The following INTS1 variants were observed in gnomAD, a reference collection of about 807,000 sequenced individuals.
INTS1 encodes integrator complex subunit 1.
Under a neutral mutation model 241.6 loss-of-function variants are expected in INTS1, and 137 were observed. The ratio of observed to expected loss-of-function variants is 0.57; its 90% confidence interval spans 0.49 to 0.65. INTS1 has a LOEUF of 0.65. INTS1 is among the 30% of genes least tolerant of loss of function. The pLI, the probability that INTS1 is intolerant of heterozygous loss-of-function variation, is 0.00. For missense variants in INTS1, 3,073 were observed against 3,032.2 expected (o/e 1.01, Z -0.32); for synonymous variants, 1,692 against 1,337.8 (o/e 1.26, Z -5.78).
At chr7:1,495,774 C>A (rs558742139) in intron 12 of INTS1, among the ~76,000 whole-genome samples, 1 of 152,134 alleles carries the variant, frequency 6.6e-6, no homozygotes, top group African/African-American at 2.4e-5. Context: ...TGACTCGCTC[C>A]GGTCAATGGC....
At chr7:1,498,338 A>C (rs1287393444) in intron 10 of INTS1, 74 bp downstream of exon 10, 11 of 1,574,028 alleles carry the variant, frequency 7.0e-6, no homozygotes. Context: ...CGGCCTCCCC[A>C]GACGCCACGT....
At position 1,497,171 on chromosome 7, in the gene INTS1, G is replaced by A. The variant is rs1163814904; in HGVS notation, c.1569C>T (p.Arg523=). 2 of 1,609,862 alleles carry A rather than the reference G, an allele frequency of 1.2e-6. No individual in the cohort carries two copies. Among genetic ancestry groups the A allele is most frequent in the Non-Finnish European group, 1.7e-6 (2 of 1,178,666 alleles). ...QAFCLGLMQE[R]KEPQYLEMEF... is the part of the protein sequence containing the mutation. ...CCATCTCCAGGTACTGCGGCTCCTT[G>A]CGCTCCTGCATGAGCCCCAGGCAGA... is the stretch of plus-strand genomic sequence containing the variant. Residue 523 remains arginine (R), a synonymous_variant, in exon 11 of 48, where the codon CGC becomes CGT. Transcript: ENST00000404767. This position sits in a 1 kb window ranked among gnomAD's most constrained non-coding sequence, Gnocchi z 5.3.
In INTS1 at chr7:1,487,112, G is replaced by T; in HGVS notation, c.2647-11C>A. ...GGACTGCGAGGAGGCCTGGGCAGGC[G>T]ACAGTGGCGCCCGCTCAGCACCTTC... On this transcript the variant is annotated splice_polypyrimidine_tract_variant and intron_variant, in intron 20 of 47. Transcript: ENST00000404767. 6.5e-7 allele frequency: 1 copy of T among 1,541,382 alleles called. No individual in the cohort carries two copies.
chr7:1,479,415 C>A lies in INTS1; in HGVS notation c.4329+15G>T, dbSNP rs762436384. Reference sequence around the variant, plus strand: ...CACTGCCCTCCTCCCCCGCAAGAGGCCCACGCCCAAGTACCTGGTACTGGC... The same window carrying A: ...CACTGCCCTCCTCCCCCGCAAGAGGACCACGCCCAAGTACCTGGTACTGGC... On this transcript the variant is annotated intron_variant, in intron 31 of 47. Transcript: ENST00000404767. 4 of 1,563,968 alleles carry A rather than the reference C, an allele frequency of 2.6e-6. No homozygotes were observed. The Admixed American group carries it at 5.6e-5, about 22-fold the overall frequency.
chr7:1,503,245 A>G, intron 2 of INTS1, 54 bp from the exon 3 acceptor site: 1 of 1,490,702 alleles, frequency 6.7e-7, no homozygotes. Context: ...CAAGATGGAA[A>G]AAGACTGACT....
rs1463557404 is a variant in INTS1 at position 1,487,765 on chromosome 7, G to A, written c.2511C>T (p.Asp837=). ...SLLLSQLTSL[D]PQGPPRRPPP... ...GGGCTGTGTGGGCTGCGTACTGGGG[G>A]TCCAGGCTGGTGAGCTGCGACAGGA... Residue 837 remains aspartate (D), a synonymous_variant, in exon 19 of 48, where the codon GAC becomes GAT. Coordinates refer to ENST00000404767, the MANE Select transcript of INTS1 (RefSeq NM_001080453.3). The A allele has an allele frequency of 6.2e-7, 1 of 1,607,986 alleles. No homozygotes were observed. Among genetic ancestry groups the A allele is most frequent in the African/African-American group, 1.3e-5 (1 of 74,932 alleles).
rs1782969664 is a variant in INTS1 at position 1,498,466 on chromosome 7, G to A, written c.1371C>T (p.Asn457=). 6.2e-7 allele frequency: 1 copy of A among 1,613,822 alleles called. No individual in the cohort carries two copies. Among genetic ancestry groups the A allele is most frequent in the African/African-American group, 1.3e-5 (1 of 74,920 alleles). Residue 457 remains asparagine, a synonymous_variant, in exon 10 of 48, where the codon AAC becomes AAT. Transcript: ENST00000404767. ...FNELSSARNP[N]NMQVLYTALQ... is the part of the protein sequence containing the mutation. ...GTGCGGTATAGAGGACCTGCATGTT[G>A]TTCGGGTTCCGGGCGCTGGAGAGCT...
At chr7:1,477,045 G>T (rs1486950311) in intron 35 of INTS1, 127 bp from the exon 36 acceptor site, 1 of 1,213,436 alleles carries the variant, frequency 8.2e-7, no homozygotes, top group South Asian at 1.5e-5. Context: ...CGGTAACACC[G>T]GCCCCGTCAT....
Position 1,499,874 on chromosome 7 carries a change from G to A in INTS1, c.684+10C>T, listed in dbSNP as rs1195620363. The A allele has an allele frequency of 1.9e-6, 3 of 1,609,952 alleles. No homozygotes were observed. The highest frequency in any genetic ancestry group is 8.5e-7 in the Non-Finnish European group (1 of 1,177,648). On this transcript the variant is annotated intron_variant, in intron 5 of 47. Coordinates refer to ENST00000404767, the MANE Select transcript of INTS1 (RefSeq NM_001080453.3). ...CTGCCATCTTCACCGTCCCGGGAGA[G>A]GACGCTCACCTTGACAAAGATCTCG...
At chr7:1,490,380 G>A (rs769588389) in intron 16 of INTS1, among the ~76,000 whole-genome samples, 126 of 152,124 alleles carry the variant, frequency 8.3e-4, no homozygotes, top group Admixed American at 9.2e-4. Context: ...TCTGCATAAA[G>A]GGACACCCCT....
Position 1,499,472 on chromosome 7 carries a change from C to A in INTS1, c.844+1G>T. Reference sequence around the variant, plus strand: ...CCTCTCTGGCTGGCCGTGTGTCTCACCTGCACCCAGGTCGCCCGCAACGCG... The same window carrying A: ...CCTCTCTGGCTGGCCGTGTGTCTCAACTGCACCCAGGTCGCCCGCAACGCG... On this transcript the variant is annotated splice_donor_variant, in intron 6 of 47. Transcript: ENST00000404767. LOFTEE classifies it high-confidence loss of function. 6.3e-6 allele frequency: 10 copies of A among 1,586,660 alleles called. No individual in the cohort carries two copies. Among genetic ancestry groups the A allele is most frequent in the Non-Finnish European group, 8.6e-6 (10 of 1,164,440 alleles).
intron 35 of INTS1, 49 bp from the exon 36 acceptor site, chr7:1,476,967 G>C (rs1225979240): frequency 1.3e-6 from 2 of 1,574,492 alleles, no homozygotes; most frequent in Non-Finnish European, 1.7e-6. Flanking sequence ...GCCAATGGCA[G>C]GCTCTGCTGA....
rs78170184 is a variant in INTS1, at chr7:1,478,930, C to G, written c.4330-45G>C. On this transcript the variant is annotated intron_variant, in intron 31 of 47. Coordinates refer to ENST00000404767, the MANE Select transcript of INTS1 (RefSeq NM_001080453.3). The stretch of plus-strand genomic sequence containing the variant: ...CGTGGCTACCCTGGCAGAGGACACA[C>G]GGGGACCCGGCACCCGAGGCCCAGA... The G allele has an allele frequency of 1.2e-5, 18 of 1,559,878 alleles. No individual in the cohort carries two copies. The Admixed American group carries it at 1.9e-4, about 17-fold the overall frequency.
At chr7:1,483,492 C>G (rs1782094605) in intron 26 of INTS1, 1 of 564,396 alleles carries the variant, frequency 1.8e-6, no homozygotes, top group African/African-American at 1.9e-5. Flanking sequence ...TGTACCAGGC[C>G]CTCCAGCTCA....
intron 12 of INTS1, 118 bp downstream of exon 12, chr7:1,496,038 G>T: frequency 1.4e-6 from 1 of 720,768 alleles, no homozygotes; most frequent in South Asian, 1.8e-5. Context: ...GAGTAGCCGT[G>T]CTGCGGGACC....
In INTS1 at chr7:1,496,285, C is replaced by T. The variant is rs745548374; in HGVS notation, c.1603-21G>A. ...CGCTCCTGCAGGTGCAGCACGGGGT[C>T]TGTATCCAGAAGGGACACCCGGGAG... is the stretch of plus-strand genomic sequence containing the variant. On this transcript the variant is annotated intron_variant, in intron 11 of 47. Transcript: ENST00000404767. 4 of 1,607,270 alleles carry T rather than the reference C, an allele frequency of 2.5e-6. No individual in the cohort carries two copies. The African/African-American group carries it at 5.4e-5, about 21-fold the overall frequency.
intron 12 of INTS1, 30 bp downstream of exon 12, chr7:1,496,126 A>G (rs764269581): frequency 6.3e-7 from 1 of 1,580,068 alleles, no homozygotes; most frequent in Non-Finnish European, 8.7e-7. Context: ...ACCCCCACCA[A>G]GCAGGGCCAG....
At chr7:1,473,812 T>C in intron 41 of INTS1, 119 bp from the exon 42 acceptor site, 1 of 1,276,832 alleles carries the variant, frequency 7.8e-7, no homozygotes, top group Non-Finnish European at 1.1e-6. Flanking sequence ...GAGCCCCCTC[T>C]GCCAACCACT....
Position 1,489,832 on chromosome 7 carries a change from G to A in INTS1, c.2166-150C>T. 8 of 583,558 alleles carry A rather than the reference G, an allele frequency of 1.4e-5. No homozygotes were observed. The South Asian group carries it at 1.9e-4, about 14-fold the overall frequency. 36.1% of individuals were successfully genotyped at this position (583,558 alleles called of 1,614,324 possible). ...TCCAGTGACACCTGTCCAAGCATGT[G>A]CATCAGCCTGGCTCTGGGCTCCCTG... On this transcript the variant is annotated intron_variant, in intron 16 of 47. Coordinates refer to ENST00000404767, the MANE Select transcript of INTS1 (RefSeq NM_001080453.3).
Sources: gnomAD v4.1 joint callset for allele counts (sites outside exome capture counted in the v4.1 genomes callset) on GRCh38, gnomAD v4.1.1 for gene constraint, Gnocchi (gnomAD v3.1) non-coding constraint, MANE v1.5 for transcripts, NCBI Gene and HGNC (gene_info 2026-07-23, HGNC 2026-07-21) for gene names.